Variants in STXBP2 observed in about 807,000 individuals in gnomAD.
STXBP2 encodes the protein syntaxin binding protein 2.
A neutral mutation model predicts 72.2 loss-of-function variants in STXBP2; 47 were observed. The observed-to-expected ratio is 0.65, with a 90% CI of 0.51 to 0.83. The LOEUF (loss-of-function observed/expected upper bound fraction) is 0.83. Among genes scored for constraint, STXBP2 ranks in the 40% least tolerant of loss-of-function variants. STXBP2 has a pLI of 0.00. For missense variants in STXBP2, 702 were observed against 807.6 expected (o/e 0.87, Z 1.58); for synonymous variants, 367 against 338.7 (o/e 1.08, Z -0.92).
chr19:7,640,482 G>C (rs1344117894), intron 4 of STXBP2: 5 of 682,934 alleles, frequency 7.3e-6, no homozygotes, highest in Non-Finnish European at 1.3e-5. Context: ...GTGTGCATGT[G>C]TGTATGTGTG....
chr19:7,647,059 C>T (rs1020288343), intron 16 of STXBP2, 103 bp from the exon 17 acceptor site: 3 of 1,221,998 alleles, frequency 2.5e-6, no homozygotes, highest in Non-Finnish European at 1.2e-6. Context: ...GATGCTGGTT[C>T]CTGTCTGCCA....
intron 4 of STXBP2, chr19:7,640,480 G>C (rs577025650): frequency 5.9e-6 from 4 of 682,016 alleles, no homozygotes; most frequent in Admixed American, 2.1e-5. Flanking sequence ...GTGTGTGCAT[G>C]TGTGTATGTG....
upstream of STXBP2, chr19:7,632,595 A>G: frequency 6.3e-7 from 1 of 1,595,248 alleles, no homozygotes; most frequent in Non-Finnish European, 8.5e-7. The surrounding 1 kb of genome is among the most constrained non-coding windows in gnomAD (Gnocchi z 5.2). Context: ...CCCCACACAG[A>G]TGCTTCAGGG....
the STXBP2 span, chr19:7,631,312 G>C: frequency 4.3e-6 from 6 of 1,411,410 alleles, no homozygotes; most frequent in Non-Finnish European, 4.6e-6. Context: ...GATCCCACGC[G>C]GACCCCTTTG....
chr19:7,643,061 G>A lies in STXBP2; in HGVS notation c.1026+13G>A, dbSNP rs2031960636. ...GGAGCTGAATAAGGTGTGCTCGGGT[G>A]GGCAGGGAGCGGGGACACCTCGGCC... On this transcript the variant is annotated intron_variant, in intron 12 of 18. Transcript: ENST00000221283. 6.2e-7 allele frequency: 1 copy of A among 1,614,064 alleles called. No individual in the cohort carries two copies. Among genetic ancestry groups the A allele is most frequent in the South Asian group, 1.1e-5 (1 of 91,084 alleles).
At chr19:7,640,424 G>T in intron 4 of STXBP2, 1 of 631,578 alleles carries the variant, frequency 1.6e-6, no homozygotes, top group Non-Finnish European at 2.9e-6. Context: ...ATGTGTGCGC[G>T]CGCATCTGTG....
In STXBP2 at chr19:7,647,668, G is replaced by C. The variant is rs560987228; in HGVS notation, c.1697-57G>C. 29 of 1,607,484 alleles carry C rather than the reference G, an allele frequency of 1.8e-5. No homozygotes were observed. In the African/African-American group the frequency reaches 3.7e-4, roughly 21 times the overall value. On this transcript the variant is annotated intron_variant, in intron 18 of 18. Coordinates refer to ENST00000221283, the MANE Select transcript of STXBP2 (RefSeq NM_006949.4). ...CCACACCAGCCGGGACCGGGAGCCT[G>C]TCAAAGACGAAGGCAGCGCCCCCCA...
chr19:7,638,862 C>G (rs1465400890), intron 2 of STXBP2, 87 bp downstream of exon 2: 1 of 1,594,052 alleles, frequency 6.3e-7, no homozygotes, highest in Non-Finnish European at 8.6e-7. Context: ...CCCCCAAGAA[C>G]TGCCTGTCCA....
upstream of STXBP2, chr19:7,632,827 C>A (rs1175564278): frequency 3.6e-5 from 56 of 1,549,548 alleles, no homozygotes; most frequent in Non-Finnish European, 4.6e-5. The surrounding 1 kb of genome is among the most constrained non-coding windows in gnomAD (Gnocchi z 5.2). Context: ...TCTGGGGAGC[C>A]CGCCTGGGGA....
chr19:7,640,620 C>T (rs1044480775), intron 4 of STXBP2, 111 bp from the exon 5 acceptor site: 10 of 1,391,506 alleles, frequency 7.2e-6, no homozygotes, highest in Middle Eastern at 1.8e-4. Flanking sequence ...TACATGTCCC[C>T]GTCCGTCCAT....
intron 14 of STXBP2, 111 bp downstream of exon 14, chr19:7,644,863 T>C (rs1481260387): frequency 6.4e-7 from 1 of 1,555,562 alleles, no homozygotes; most frequent in South Asian, 1.2e-5. Context: ...CTCACCGGGC[T>C]CACCAACCCC....
rs1284563219 is a variant in STXBP2, at chr19:7,643,416, GA to G, written c.1107+174del. 3 of 722,490 alleles carry G rather than the reference GA, an allele frequency of 4.2e-6. No homozygotes were observed. The East Asian group carries it at 8.1e-5, about 20-fold the overall frequency. The allele number at this position is 722,490 out of a possible 1,614,324, so 44.8% of individuals were successfully genotyped here. On this transcript the variant is annotated intron_variant, in intron 13 of 18. Transcript: ENST00000221283. Reference sequence around the variant, plus strand: ...GTGGGGAAGGAGTGGGTCTTGTGGAGAAACGGTCCTAGGATGAGGGTGTGGC... The same window carrying G: ...GTGGGGAAGGAGTGGGTCTTGTGGAGAACGGTCCTAGGATGAGGGTGTGGC...
At chr19:7,631,164 A>G in the STXBP2 span, 1 of 1,110,562 alleles carries the variant, frequency 9.0e-7, no homozygotes, top group African/African-American at 1.6e-5. Flanking sequence ...GCCCAAGATC[A>G]CGCCACTGCA....
At position 7,647,150 on chromosome 19, in the gene STXBP2, C is replaced by G. The variant is rs775708237; in HGVS notation, c.1453-12C>G. 1 of 1,611,236 alleles carries G rather than the reference C, an allele frequency of 6.2e-7. No homozygotes were observed. Among genetic ancestry groups the G allele is most frequent in the South Asian group, 1.1e-5 (1 of 91,044 alleles). On this transcript the variant is annotated splice_polypyrimidine_tract_variant and intron_variant, in intron 16 of 18. Transcript: ENST00000221283. ...CTGGGGTTCCTCCCCTAACCTGCCTCTCGGCCGCCAGGACGCCGTGGAGGA... is the reference window on the plus strand; with the variant it reads ...CTGGGGTTCCTCCCCTAACCTGCCTGTCGGCCGCCAGGACGCCGTGGAGGA...
At chr19:7,630,032 G>C in the STXBP2 span, 12 of 839,578 alleles carry the variant, frequency 1.4e-5, no homozygotes, top group Middle Eastern at 1.3e-3. Flanking sequence ...CGCTGGGCTG[G>C]GGGGGTTCTC....
At chr19:7,632,724 G>T, upstream of STXBP2, 3 of 1,559,736 alleles carry the variant, frequency 1.9e-6, no homozygotes, top group Non-Finnish European at 2.6e-6. The surrounding 1 kb of genome is among the most constrained non-coding windows in gnomAD (Gnocchi z 5.2). Context: ...ACGGCTCTTG[G>T]TGGTCTGGCC....
chr19:7,647,357 C>T lies in STXBP2; in HGVS notation c.1542C>T (p.Ala514=). ...PTASSQAAVS[A]RFGHWHKNKA... ...TTTCTGCCCCTGCCCTGCACAGTGC[C>T]CGCTTCGGTCACTGGCACAAGAACA... The change falls in exon 18 of 19, where the codon GCC becomes GCT. Residue 514 remains alanine, a synonymous_variant. Transcript: ENST00000221283. 1 of 1,613,276 alleles carries T rather than the reference C, an allele frequency of 6.2e-7. No individual in the cohort carries two copies. Among genetic ancestry groups the T allele is most frequent in the Non-Finnish European group, 8.5e-7 (1 of 1,179,978 alleles).
intron 1 of STXBP2, among the ~76,000 whole-genome samples, chr19:7,637,756 C>T (rs887793970): frequency 6.6e-6 from 1 of 152,156 alleles, no homozygotes; most frequent in African/African-American, 2.4e-5. Flanking sequence ...TCCTCCACCC[C>T]GGGGAGTTCC....
chr19:7,631,300 C>G, the STXBP2 span: 1 of 1,408,992 alleles, frequency 7.1e-7, no homozygotes, highest in Non-Finnish European at 9.2e-7. Flanking sequence ...AAGAGTGAAG[C>G]GGATCCCACG....
Sources: allele counts gnomAD v4.1 joint callset (sites outside exome capture counted in the v4.1 genomes callset), GRCh38; gene constraint gnomAD v4.1.1; non-coding constraint Gnocchi (gnomAD v3.1); transcripts MANE v1.5; gene names NCBI Gene and HGNC (gene_info 2026-07-23, HGNC 2026-07-21).